Variants in COL27A1 observed in about 807,000 individuals in gnomAD.
COL27A1 encodes collagen alpha-1(XXVII) chain.
COL27A1 carries 106 observed loss-of-function variants against 251.3 expected under a neutral mutation model. The observed-to-expected ratio is 0.42, with a 90% CI of 0.36 to 0.50. The LOEUF (loss-of-function observed/expected upper bound fraction) is 0.50, where lower values mean the gene tolerates loss of function less well. COL27A1 is among the 20% of genes least tolerant of loss of function. The probability of loss-of-function intolerance (pLI) is 0.00; values close to 1 mark genes in which losing one functional copy is unlikely to be tolerated. For synonymous variants in COL27A1, 1,000 were observed against 986.3 expected (o/e 1.01, Z -0.26); for missense variants, 2,325 against 2,522.8 (o/e 0.92, Z 1.68).
intron 56 of COL27A1, among the ~76,000 whole-genome samples, chr9:114,304,366 T>C (rs987204582): frequency 2.0e-5 from 3 of 152,228 alleles, no homozygotes; most frequent in Non-Finnish European, 4.4e-5. Flanking sequence ...AACTGGGTCT[T>C]ATAACCATGT....
intron 12 of COL27A1, chr9:114,218,051 G>A (rs748055614): frequency 5.7e-6 from 2 of 351,894 alleles, no homozygotes; most frequent in Non-Finnish European, 1.1e-5. Flanking sequence ...AGGTTGCAGT[G>A]AGCAGTTATC....
intron 5 of COL27A1, among the ~76,000 whole-genome samples, chr9:114,183,699 C>A (rs149393907): frequency 6.6e-6 from 1 of 152,016 alleles, no homozygotes; most frequent in East Asian, 1.9e-4. Context: ...TGATGTTGCA[C>A]GCAGGAACAT....
chr9:114,238,855 G>A (rs1182378594), intron 19 of COL27A1, among the ~76,000 whole-genome samples: 5 of 152,146 alleles, frequency 3.3e-5, no homozygotes, highest in Non-Finnish European at 5.9e-5. Context: ...GAATCGCCAC[G>A]ACAGCCGCAT....
At chr9:114,279,422 G>A (rs1435178214) in intron 37 of COL27A1, among the ~76,000 whole-genome samples, 3 of 152,222 alleles carry the variant, frequency 2.0e-5, no homozygotes, top group African/African-American at 7.2e-5. Context: ...TATTACCGGA[G>A]GAGCTGGAGA....
chr9:114,223,089 G>A lies in COL27A1; in HGVS notation c.2466+822G>A, dbSNP rs568699722. On this transcript the variant is annotated intron_variant, in intron 14 of 60. Coordinates refer to ENST00000356083, the MANE Select transcript of COL27A1 (RefSeq NM_032888.4). ...GAGGAGTGGTTCTAGCCAAAGCCAG[G>A]GCCCCTGCTGCGCTTTCAGTGGAAT... Among the ~76,000 whole-genome samples, 21 of 152,262 alleles carry A rather than the reference G, an allele frequency of 1.4e-4. No homozygotes were observed. The East Asian group carries it at 4.1e-3, about 30-fold the overall frequency.
intron 27 of COL27A1, among the ~76,000 whole-genome samples, chr9:114,255,978 G>A (rs1024170072): frequency 6.6e-6 from 1 of 152,216 alleles, no homozygotes; most frequent in African/African-American, 2.4e-5. Flanking sequence ...AAATGGTGCA[G>A]TGCATGATGT....
chr9:114,229,374 T>C (rs1831761040), intron 14 of COL27A1, among the ~76,000 whole-genome samples: 1 of 152,192 alleles, frequency 6.6e-6, no homozygotes, highest in Non-Finnish European at 1.5e-5. Context: ...CTCGGGGGCA[T>C]TCCATCACAT....
chr9:114,181,739 T>C (rs1827938689), intron 4 of COL27A1, among the ~76,000 whole-genome samples: 1 of 152,200 alleles, frequency 6.6e-6, no homozygotes, highest in Admixed American at 6.5e-5. Flanking sequence ...CCAGCTGTTA[T>C]CGGGGAACTT....
At chr9:114,157,615 G>A (rs1410754880) in intron 1 of COL27A1, among the ~76,000 whole-genome samples, 1 of 152,208 alleles carries the variant, frequency 6.6e-6, no homozygotes, top group African/African-American at 2.4e-5. Context: ...TCTCTGTCCA[G>A]GGACCCTCTT....
At position 114,290,937 on chromosome 9, in the gene COL27A1, A is replaced by G. The variant is rs530838223; in HGVS notation, c.4476+20A>G. 6.6e-7 allele frequency: 1 copy of G among 1,515,176 alleles called. No homozygotes were observed. The highest frequency in any genetic ancestry group is 9.0e-7 in the Non-Finnish European group (1 of 1,116,024). The allele number at this position is 1,515,176 out of a possible 1,614,324, so 93.9% of individuals were successfully genotyped here. A position where few individuals can be genotyped will look rare whatever the true frequency, so the allele number is the denominator to read the frequency against. On this transcript the variant is annotated intron_variant, in intron 48 of 60. Coordinates refer to ENST00000356083, the MANE Select transcript of COL27A1 (RefSeq NM_032888.4). The surrounding 1 kb of genome is among the most constrained non-coding windows in gnomAD (Gnocchi z 4.6). ...TTCAAGGTCAGATACCTCTTAATAC[A>G]CTTACCCACCCTCTGCCCTTTCTGC... is the stretch of plus-strand genomic sequence containing the variant.
intron 12 of COL27A1, among the ~76,000 whole-genome samples, chr9:114,212,111 A>G (rs1226938985): frequency 6.6e-6 from 1 of 152,236 alleles, no homozygotes; most frequent in African/African-American, 2.4e-5. Context: ...AAAAAGCCTC[A>G]AAGAGCTGAC....
intron 9 of COL27A1, 107 bp downstream of exon 9, chr9:114,205,919 C>A: frequency 9.8e-7 from 1 of 1,016,308 alleles, no homozygotes; most frequent in Non-Finnish European, 1.5e-6. Flanking sequence ...GGAGCTGCAC[C>A]TGCTGGGTGG....
chr9:114,303,217 C>A (rs945154378), intron 56 of COL27A1, among the ~76,000 whole-genome samples: 2 of 150,606 alleles, frequency 1.3e-5, no homozygotes, highest in African/African-American at 2.4e-5. Flanking sequence ...ATTACAGGTG[C>A]TTTGCTTTTC....
At chr9:114,288,814 GAC>G in intron 43 of COL27A1, 59 bp downstream of exon 43, 3 of 1,601,560 alleles carry the variant, frequency 1.9e-6, no homozygotes, top group Non-Finnish European at 2.6e-6. Flanking sequence ...GAGGGGGGAT[GAC>G]ACATGTCTAG....
intron 28 of COL27A1, among the ~76,000 whole-genome samples, chr9:114,263,525 G>A (rs188277556): frequency 1.3e-5 from 2 of 152,282 alleles, no homozygotes; most frequent in East Asian, 3.9e-4. Context: ...CTCTGTGGGA[G>A]CGGCCCTGGA....
intron 3 of COL27A1, among the ~76,000 whole-genome samples, chr9:114,172,897 CT>C (rs2135112270): frequency 6.6e-6 from 1 of 152,348 alleles, no homozygotes; most frequent in South Asian, 2.1e-4. Context: ...CAGTCTTCCA[CT>C]GAAATAGGGT....
At position 114,300,730 on chromosome 9, in the gene COL27A1, G is replaced by A. The variant is rs367985397; in HGVS notation, c.4701+43G>A. ...TGTCGGAGCAGAGATGATTGTCCTA[G>A]GCCCAAGGTTGGCCAGCCATCAGCT... On this transcript the variant is annotated intron_variant, in intron 51 of 60. Coordinates refer to ENST00000356083, the MANE Select transcript of COL27A1 (RefSeq NM_032888.4). 4.7e-4 allele frequency: 686 copies of A among 1,459,646 alleles called. 1 individual carries two copies. Among genetic ancestry groups the A allele is most frequent in the Non-Finnish European group, 5.4e-4 (595 of 1,100,628 alleles). The allele number at this position is 1,459,646 out of a possible 1,614,324, so 90.4% of individuals were successfully genotyped here. A position where few individuals can be genotyped will look rare whatever the true frequency, so the allele number is the denominator to read the frequency against.
At chr9:114,283,545 G>A (rs989309400) in intron 39 of COL27A1, among the ~76,000 whole-genome samples, 164 bp from the exon 40 acceptor site, 1 of 152,214 alleles carries the variant, frequency 6.6e-6, no homozygotes, top group Admixed American at 6.5e-5. Flanking sequence ...CCAGGGAGGA[G>A]GGATAATGTT....
chr9:114,263,015 T>C (rs1387392049), intron 28 of COL27A1, among the ~76,000 whole-genome samples: 1 of 149,424 alleles, frequency 6.7e-6, no homozygotes, highest in East Asian at 2.0e-4. Flanking sequence ...CTCCGCTCAC[T>C]GCAAGCTCCG....
Sources: allele counts gnomAD v4.1 joint callset (sites outside exome capture counted in the v4.1 genomes callset), GRCh38; gene constraint gnomAD v4.1.1; non-coding constraint Gnocchi (gnomAD v3.1); transcripts MANE v1.5; gene names NCBI Gene and HGNC (gene_info 2026-07-23, HGNC 2026-07-21).